The following PPARGC1A variants were observed in gnomAD, a reference collection of about 807,000 sequenced individuals.
The protein encoded by PPARGC1A is peroxisome proliferator-activated receptor gamma coactivator 1-alpha.
PPARGC1A carries 25 observed loss-of-function variants against 88.7 expected under a neutral mutation model. The ratio of observed to expected loss-of-function variants is 0.28; its 90% CI spans 0.21 to 0.39. PPARGC1A has a LOEUF of 0.39. PPARGC1A is among the 10% of genes least tolerant of loss of function. PPARGC1A has a pLI of 1.00. For synonymous variants in PPARGC1A, 363 were observed against 355.6 expected (o/e 1.02, Z -0.24); for missense variants, 880 against 968.7 (o/e 0.91, Z 1.22).
the PPARGC1A span, among the ~76,000 whole-genome samples, chr4:23,940,139 A>G: frequency 6.6e-6 from 1 of 152,228 alleles, no homozygotes; most frequent in East Asian, 1.9e-4. Context: ...TCCTTCAATA[A>G]TTAATTTACC....
rs1721370362 is a variant in PPARGC1A, at chr4:23,813,697, A to T, written c.1786T>A (p.Ser596Thr). The T allele has an allele frequency of 1.3e-6, 2 of 1,578,692 alleles. No individual in the cohort carries two copies. The highest frequency in any genetic ancestry group is 8.6e-7 in the Non-Finnish European group (1 of 1,160,376). Residue 596 changes from serine to threonine, a missense_variant, in exon 8 of 13, where the codon TCT becomes ACT. Ser to Thr is a moderately conservative substitution (Grantham distance 58, BLOSUM62 1). Coordinates refer to ENST00000264867, the MANE Select transcript of PPARGC1A (RefSeq NM_013261.5). ...GGTTTTGCCAAGGTTTACCTTGAAGAGGATCTACTGCCTGGAGACCTTGAT... is the reference window on the plus strand; with the variant it reads ...GGTTTTGCCAAGGTTTACCTTGAAGTGGATCTACTGCCTGGAGACCTTGAT... ...SRSRSPGSRS[S>T]SRSCYYYESS... is the part of the protein sequence containing the mutation.
chr4:23,813,578 C>T, intron 8 of PPARGC1A, 112 bp downstream of exon 8: 1 of 944,648 alleles, frequency 1.1e-6, no homozygotes, highest in Non-Finnish European at 1.5e-6. Flanking sequence ...GCCAGAATTG[C>T]AGTGGTCAGG....
the PPARGC1A span, among the ~76,000 whole-genome samples, chr4:24,257,553 TCTC>T: frequency 6.6e-6 from 1 of 152,122 alleles, no homozygotes; most frequent in Non-Finnish European, 1.5e-5. Flanking sequence ...GATTGCACAG[TCTC>T]CTCCTGCCCT....
At chr4:24,322,183 T>C in the PPARGC1A span, among the ~76,000 whole-genome samples, 1 of 152,246 alleles carries the variant, frequency 6.6e-6, no homozygotes, top group Non-Finnish European at 1.5e-5. Context: ...TCCGCTTATT[T>C]TGCCCACATA....
the PPARGC1A span, among the ~76,000 whole-genome samples, chr4:24,285,761 C>T: frequency 6.6e-6 from 1 of 152,296 alleles, no homozygotes; most frequent in South Asian, 2.1e-4. Flanking sequence ...TCAACCATTT[C>T]TCTGCAGGTC....
the PPARGC1A span, among the ~76,000 whole-genome samples, chr4:23,949,707 C>T: frequency 2.0e-4 from 31 of 152,076 alleles, no homozygotes; most frequent in Non-Finnish European, 2.8e-4. Flanking sequence ...TTGTGAGGTG[C>T]CACAAGGTTC....
chr4:24,467,469 G>A, the PPARGC1A span, among the ~76,000 whole-genome samples: 1 of 152,106 alleles, frequency 6.6e-6, no homozygotes, highest in South Asian at 2.1e-4. Context: ...TGTAAATGGA[G>A]GACATTCCCA....
At chr4:23,956,938 G>A in the PPARGC1A span, among the ~76,000 whole-genome samples, 16 of 152,042 alleles carry the variant, frequency 1.1e-4, no homozygotes, top group Admixed American at 1.1e-3. Flanking sequence ...TGAGGTAGGT[G>A]CCCTTAGTTC....
chr4:23,875,776 G>A (rs1714575577), intron 2 of PPARGC1A: 1 of 152,132 alleles, frequency 6.6e-6, no homozygotes, highest in Admixed American at 6.5e-5. Context: ...ACGTAATGGA[G>A]GGTAATTATC....
chr4:24,005,869 G>A, the PPARGC1A span, among the ~76,000 whole-genome samples: 6 of 152,080 alleles, frequency 3.9e-5, no homozygotes, highest in African/African-American at 1.4e-4. Flanking sequence ...CAGGGTCGGG[G>A]GCTCAGATTA....
intron 7 of PPARGC1A, among the ~76,000 whole-genome samples, chr4:23,818,222 C>T (rs137988401): frequency 1.3e-5 from 2 of 152,134 alleles, no homozygotes; most frequent in Non-Finnish European, 2.9e-5. Context: ...ATATTCCATG[C>T]TCTCTCTTGA....
the PPARGC1A span, among the ~76,000 whole-genome samples, chr4:24,032,114 T>C: frequency 6.6e-6 from 1 of 152,214 alleles, no homozygotes. Context: ...CTTATAATAA[T>C]AATGATGAAT....
chr4:24,100,887 C>T, the PPARGC1A span, among the ~76,000 whole-genome samples: 1 of 152,098 alleles, frequency 6.6e-6, no homozygotes, highest in Non-Finnish European at 1.5e-5. Context: ...GTCTAAACAG[C>T]CATAATTTTT....
the PPARGC1A span, among the ~76,000 whole-genome samples, chr4:24,181,500 A>C: frequency 6.6e-6 from 1 of 152,170 alleles, no homozygotes; most frequent in Admixed American, 6.6e-5. Context: ...AGCTATTACT[A>C]TTGTAGGTAA....
At chr4:24,049,569 A>C in the PPARGC1A span, among the ~76,000 whole-genome samples, 1 of 152,000 alleles carries the variant, frequency 6.6e-6, no homozygotes, top group African/African-American at 2.4e-5. Flanking sequence ...AGAGGAAAGA[A>C]GTTGTATTAC....
chr4:24,439,844 C>T, the PPARGC1A span, among the ~76,000 whole-genome samples: 1 of 152,200 alleles, frequency 6.6e-6, no homozygotes, highest in African/African-American at 2.4e-5. Flanking sequence ...CATGATTTTA[C>T]TGTGCATTCA....
rs572488435 is a variant in PPARGC1A, at chr4:23,853,717, A to G, written c.235-21966T>C. Among the ~76,000 whole-genome samples, 6 of 152,340 alleles carry G rather than the reference A, an allele frequency of 3.9e-5. No individual in the cohort carries two copies. The East Asian group carries it at 1.2e-3, about 29-fold the overall frequency. On this transcript the variant is annotated intron_variant, in intron 2 of 12. Transcript: ENST00000264867. ...GAAGGATAGACAGAAACTTGATAGG[A>G]TTATGAGACATTTAGAAAACTATCT...
At chr4:24,366,842 G>A in the PPARGC1A span, among the ~76,000 whole-genome samples, 1 of 152,160 alleles carries the variant, frequency 6.6e-6, no homozygotes, top group Non-Finnish European at 1.5e-5. Context: ...TTCTGAAATA[G>A]AAACGAGTAT....
At chr4:24,004,376 A>G in the PPARGC1A span, among the ~76,000 whole-genome samples, 1 of 152,224 alleles carries the variant, frequency 6.6e-6, no homozygotes, top group South Asian at 2.1e-4. Context: ...AGAAGGCACA[A>G]CACTCCGTGA....
Sources: gnomAD v4.1 joint callset for allele counts (sites outside exome capture counted in the v4.1 genomes callset) on GRCh38, gnomAD v4.1.1 for gene constraint, MANE v1.5 for transcripts, NCBI Gene and HGNC (gene_info 2026-07-23, HGNC 2026-07-21) for gene names.